The following MLH3 variants were observed in gnomAD, a reference collection of about 807,000 sequenced individuals.
MLH3 encodes DNA mismatch repair protein Mlh3.
A neutral mutation model predicts 122.2 loss-of-function variants in MLH3; 82 were observed. The observed-to-expected ratio is 0.67, with a 90% CI of 0.56 to 0.81. The LOEUF is 0.81. Among genes scored for constraint, MLH3 ranks in the 30% least tolerant of loss-of-function variants. MLH3 has a pLI of 0.00. For synonymous variants in MLH3, 524 were observed against 599.5 expected, an observed-to-expected ratio of 0.87 and a Z score of 1.84; for missense variants, 1,539 against 1,714.5, an observed-to-expected ratio of 0.90 and a Z score of 1.81.
In MLH3 at chr14:75,014,596, G is replaced by A. The variant is rs565570163; in HGVS notation, c.*2486C>T. 9.8e-6 allele frequency: 2 copies of A among 203,866 alleles called. No individual in the cohort carries two copies. Among genetic ancestry groups the A allele is most frequent in the Admixed American group, 6.0e-5 (1 of 16,734 alleles). The allele number at this position is 203,866 out of a possible 1,614,324, so 12.6% of individuals were successfully genotyped here. Reference sequence around the variant, plus strand: ...TTCCTTGTCTTTCTCAGTGACTAAAGCTAAGCCTCTTGAAGGTAGAGACAG... The same window carrying A: ...TTCCTTGTCTTTCTCAGTGACTAAAACTAAGCCTCTTGAAGGTAGAGACAG... On this transcript the variant is annotated 3_prime_UTR_variant, in exon 13 of 13. Transcript: ENST00000355774.
chr14:75,023,508 G>A (rs28670632), intron 9 of MLH3, among the ~76,000 whole-genome samples: 4,163 of 152,198 alleles, frequency 0.027, 218 homozygotes, highest in African/African-American at 0.095. Context: ...TAGTTCCCAC[G>A]GGCTTTTTGG....
intron 6 of MLH3, among the ~76,000 whole-genome samples, chr14:75,034,988 G>A (rs1266881914): frequency 6.8e-6 from 1 of 146,690 alleles, no homozygotes; most frequent in Non-Finnish European, 1.5e-5. Flanking sequence ...CCTTGAACTC[G>A]GGAAGGGGAG....
chr14:75,019,124 C>A (rs935117377), intron 11 of MLH3, 144 bp from the exon 12 acceptor site: 5 of 781,620 alleles, frequency 6.4e-6, no homozygotes, highest in Admixed American at 2.2e-5. Context: ...GAAATTGGTG[C>A]TTATAGGCCG....
chr14:75,022,672 G>T (rs2139325177), intron 11 of MLH3, 142 bp downstream of exon 11: 1 of 850,150 alleles, frequency 1.2e-6, no homozygotes. Context: ...TTTTTAAAAG[G>T]GTATATTCAG....
In MLH3 at chr14:75,047,191, C is replaced by G; in HGVS notation, c.2465G>C (p.Ser822Thr). The change falls in exon 2 of 13, where the codon AGC (serine) becomes ACC (threonine). Residue 822 changes from serine (S) to threonine (T), a missense_variant. Physicochemically the swap from Ser to Thr is moderately conservative, Grantham distance 58 (BLOSUM62 1). Transcript: ENST00000355774. ...SDSDSSCQPA[S>T]HILNSEKFPF... Reference sequence around the variant, plus strand: ...AAACTTCTCTGAGTTAAGGATGTGGCTTGCTGGTTGACAACTACTATCTGA... The same window carrying G: ...AAACTTCTCTGAGTTAAGGATGTGGGTTGCTGGTTGACAACTACTATCTGA... 1.9e-6 allele frequency: 3 copies of G among 1,614,116 alleles called. No homozygotes were observed. In the South Asian group the frequency reaches 3.3e-5, roughly 18 times the overall value.
chr14:75,030,611 A>G lies in MLH3; in HGVS notation c.3919T>C (p.Cys1307Arg), dbSNP rs369024816. ...TCATTGGCTTCTCTTTCCACAAAAC[A>G]TAGTGGTACTTTTCCCACAAGGACC... ...SLVLVGKVPL[C>R]FVEREANELR... Residue 1307 changes from cysteine (C) to arginine (R), a missense_variant, in exon 9 of 13, where the codon TGT becomes CGT. Cys to Arg is a radical substitution (Grantham distance 180). Transcript: ENST00000355774. 5 of 1,613,806 alleles carry G rather than the reference A, an allele frequency of 3.1e-6. No individual in the cohort carries two copies. The highest frequency in any genetic ancestry group is 1.3e-5 in the African/African-American group (1 of 75,056).
At chr14:75,026,289 A>G (rs1224743542) in intron 9 of MLH3, among the ~76,000 whole-genome samples, 1 of 152,244 alleles carries the variant, frequency 6.6e-6, no homozygotes, top group African/African-American at 2.4e-5. Context: ...GGACACCATA[A>G]AAAAGGAAGA....
rs1374491002 is a variant in MLH3 at position 75,018,824 on chromosome 14, T to C, written c.4242+5A>G. On this transcript the variant is annotated splice_donor_5th_base_variant and intron_variant, in intron 12 of 12. Coordinates refer to ENST00000355774, the MANE Select transcript of MLH3 (RefSeq NM_001040108.2). Reference sequence around the variant, plus strand: ...CCCTCCTGCTCCTGTTAGTCATTAATGTACCTGTTTTTCCTGTTCCAAGTG... The same window carrying C: ...CCCTCCTGCTCCTGTTAGTCATTAACGTACCTGTTTTTCCTGTTCCAAGTG... 1 of 1,614,052 alleles carries C rather than the reference T, an allele frequency of 6.2e-7. No homozygotes were observed. Among genetic ancestry groups the C allele is most frequent in the African/African-American group, 1.3e-5 (1 of 74,942 alleles).
intron 2 of MLH3, among the ~76,000 whole-genome samples, chr14:75,046,042 T>C (rs1335440002): frequency 6.6e-6 from 1 of 152,104 alleles, no homozygotes; most frequent in Admixed American, 6.5e-5. Flanking sequence ...TAGCTGGGCA[T>C]GGTGGCATGC....
chr14:75,048,698 A>C lies in MLH3; in HGVS notation c.958T>G (p.Cys320Gly), dbSNP rs1334932761. ...ATCAGAGTTTTGGCTGGCTCCATGC[A>C]CACATCATACTCACAGAATTGGCAC... ...VQCQFCEYDV[C>G]MEPAKTLIEF... Residue 320 changes from cysteine to glycine, a missense_variant, in exon 2 of 13, where the codon TGC (cysteine) becomes GGC (glycine). Physicochemically the swap from Cys to Gly is radical, Grantham distance 159. Coordinates refer to ENST00000355774, the MANE Select transcript of MLH3 (RefSeq NM_001040108.2). The C allele has an allele frequency of 1.2e-5, 20 of 1,614,070 alleles. No individual in the cohort carries two copies. Among genetic ancestry groups the C allele is most frequent in the Non-Finnish European group, 1.7e-5 (20 of 1,180,030 alleles).
chr14:75,046,669 CCTAT>C lies in MLH3; in HGVS notation c.2983_2986del (p.Ile995GlufsTer10), dbSNP rs1892249295. On this transcript the variant is annotated frameshift_variant, in exon 2 of 13. Transcript: ENST00000355774. LOFTEE classifies it high-confidence loss of function. The stretch of plus-strand genomic sequence containing the variant: ...CATTCCACTGGGAGAGTCAAGACTT[CCTAT>C]CTGTTGTTCTGAGGCTCTGATAAGA... 1 of 1,614,084 alleles carries C rather than the reference CCTAT, an allele frequency of 6.2e-7. No homozygotes were observed. The highest frequency in any genetic ancestry group is 1.7e-5 in the Admixed American group (1 of 60,000).
At chr14:75,045,297 T>A (rs554968807) in intron 2 of MLH3, among the ~76,000 whole-genome samples, 1 of 152,316 alleles carries the variant, frequency 6.6e-6, no homozygotes, top group South Asian at 2.1e-4. Context: ...GCCACTACAC[T>A]CCAGCCTGGG....
chr14:75,051,007 T>TAA (rs970118102), intron 1 of MLH3: 2 of 152,246 alleles, frequency 1.3e-5, no homozygotes, highest in Non-Finnish European at 2.9e-5. Context: ...GCTAATGCAC[T>TAA]AAGCAGCCGG....
Position 75,048,829 on chromosome 14 carries a change from C to A in MLH3, c.827G>T (p.Ser276Ile), listed in dbSNP as rs758682610. The change falls in exon 2 of 13, where the codon AGT becomes ATT. Residue 276 changes from serine (S) to isoleucine (I), a missense_variant. Physicochemically the swap from Ser to Ile is moderately radical, Grantham distance 142. Transcript: ENST00000355774. ...ACCATTCTTTGGCTTGCATATAATACTTTCTTTCCTTAATAAAAAGTCAAT... is the reference window on the plus strand; with the variant it reads ...ACCATTCTTTGGCTTGCATATAATAATTTCTTTCCTTAATAAAAAGTCAAT... ...KLIDFLLRKE[S>I]IICKPKNGPT... The A allele has an allele frequency of 6.2e-7, 1 of 1,614,018 alleles. No individual in the cohort carries two copies. The highest frequency in any genetic ancestry group is 8.5e-7 in the Non-Finnish European group (1 of 1,180,020).
intron 12 of MLH3, among the ~76,000 whole-genome samples, chr14:75,017,923 T>A (rs1889999878): frequency 6.6e-6 from 1 of 152,070 alleles, no homozygotes; most frequent in South Asian, 2.1e-4. Flanking sequence ...AGGTGGACAG[T>A]TCACCTGAGG....
Position 75,049,691 on chromosome 14 carries a change from G to C in MLH3, c.-36C>G, listed in dbSNP as rs1362349551. ...AAGATGGTGAGAATGCCAGGCACTG[G>C]TTTCCTTCTCTGACTGGAAATAATT... On this transcript the variant is annotated 5_prime_UTR_variant, in exon 2 of 13. Coordinates refer to ENST00000355774, the MANE Select transcript of MLH3 (RefSeq NM_001040108.2). The C allele has an allele frequency of 6.3e-7, 1 of 1,599,954 alleles. No homozygotes were observed.
At chr14:75,042,847 C>T (rs1157293578) in intron 2 of MLH3, among the ~76,000 whole-genome samples, 1 of 151,682 alleles carries the variant, frequency 6.6e-6, no homozygotes, top group Non-Finnish European at 1.5e-5. Flanking sequence ...GTGATCTCGG[C>T]TTACTGCAAC....
intron 4 of MLH3, among the ~76,000 whole-genome samples, chr14:75,040,727 A>G (rs1463643868): frequency 6.6e-6 from 1 of 152,182 alleles, no homozygotes. Flanking sequence ...TGCGGGGCCA[A>G]TGAGGAACTG....
Position 75,047,530 on chromosome 14 carries a change from A to G in MLH3, c.2126T>C (p.Ile709Thr), listed in dbSNP as rs750178172. ...GAAAGAGGGGGATGTATCAGATAAT[A>G]TGCAATCTGTTTGTGATTTTTTGCT... ...EGSKKSQTDCILSDTSPSFPW... is the reference protein window; with the variant it reads ...EGSKKSQTDCTLSDTSPSFPW... Residue 709 changes from isoleucine (I) to threonine (T), a missense_variant, in exon 2 of 13, where the codon ATA (isoleucine) becomes ACA (threonine). By Grantham distance (89) the Ile-to-Thr change is moderately conservative. Transcript: ENST00000355774. 80 of 1,613,926 alleles carry G rather than the reference A, an allele frequency of 5.0e-5. No individual in the cohort carries two copies. Among genetic ancestry groups the G allele is most frequent in the Non-Finnish European group, 6.3e-5 (74 of 1,180,004 alleles).
Sources: gnomAD v4.1 joint callset for allele counts (sites outside exome capture counted in the v4.1 genomes callset) on GRCh38, gnomAD v4.1.1 for gene constraint, MANE v1.5 for transcripts, NCBI Gene and HGNC (gene_info 2026-07-23, HGNC 2026-07-21) for gene names.